Variants in ZFR2 observed in about 807,000 individuals in gnomAD.
The protein encoded by ZFR2 is zinc finger RNA binding protein 2.
ZFR2 carries 104 observed loss-of-function variants against 105.7 expected under a neutral mutation model. That is an observed-to-expected ratio of 0.98 (90% CI 0.84 to 1.16). ZFR2 has a LOEUF of 1.16. Ranked by LOEUF, ZFR2 falls within the 50% of genes most tolerant of loss-of-function variation. ZFR2 has a pLI of 0.00. For synonymous variants in ZFR2, 634 were observed against 597.7 expected, an observed-to-expected ratio of 1.06 and a Z score of -0.89; for missense variants, 1,425 against 1,355.5, an observed-to-expected ratio of 1.05 and a Z score of -0.80.
At chr19:3,807,341 C>T in intron 17 of ZFR2, 72 bp from the exon 18 acceptor site, 1 of 1,200,384 alleles carries the variant, frequency 8.3e-7, no homozygotes. Flanking sequence ...AGGGCCGTCC[C>T]TCGACACCGT....
chr19:3,820,079 C>A (rs1329635196), intron 11 of ZFR2, 103 bp downstream of exon 11: 12 of 1,133,238 alleles, frequency 1.1e-5, no homozygotes, highest in Middle Eastern at 2.2e-4. Flanking sequence ...CCCCTGAGTA[C>A]TATGTGGGAG....
chr19:3,816,560 C>G, intron 13 of ZFR2, 114 bp downstream of exon 13: 2 of 1,427,398 alleles, frequency 1.4e-6, no homozygotes, highest in Non-Finnish European at 1.8e-6. Context: ...GCTTCTTGTA[C>G]CTTAAAGTTG....
intron 1 of ZFR2, among the ~76,000 whole-genome samples, chr19:3,850,449 G>A (rs12609182): frequency 0.16 from 24,814 of 151,746 alleles, 2,885 homozygotes; most frequent in African/African-American, 0.34. Flanking sequence ...CCTGAATTAC[G>A]TCCCCCTGCC....
At chr19:3,820,045 G>A in intron 11 of ZFR2, 137 bp downstream of exon 11, 1 of 800,634 alleles carries the variant, frequency 1.2e-6, no homozygotes. Flanking sequence ...GTGGAGTGAG[G>A]AGGCCTGGGC....
rs543322132 is a variant in ZFR2 at position 3,833,304 on chromosome 19, T to C, written c.379+360A>G. On this transcript the variant is annotated intron_variant, in intron 3 of 18. Transcript: ENST00000262961. ...AAAGATGTAACTTTCAGGCCGGGCA[T>C]GGTGGCTCACGCCTGTAATCGCAGC... Among the ~76,000 whole-genome samples the C allele has an allele frequency of 7.3e-4, 106 of 144,256 alleles. 1 individual carries two copies. Among genetic ancestry groups the C allele is most frequent in the African/African-American group, 1.7e-3 (66 of 38,884 alleles). 94.6% of individuals were successfully genotyped at this position (144,256 alleles called of 152,430 possible).
intron 1 of ZFR2, among the ~76,000 whole-genome samples, chr19:3,865,232 T>C (rs2038415966): frequency 6.6e-6 from 1 of 152,184 alleles, no homozygotes; most frequent in Non-Finnish European, 1.5e-5. Flanking sequence ...TTCTTATGCC[T>C]TCAAGAGTGA....
chr19:3,818,952 T>C, intron 12 of ZFR2, 93 bp downstream of exon 12: 1 of 1,460,178 alleles, frequency 6.8e-7, no homozygotes, highest in Non-Finnish European at 9.1e-7. Context: ...TCCAGGCCCA[T>C]CAGAGCTAGG....
At position 3,822,062 on chromosome 19, in the gene ZFR2, C is replaced by CT; in HGVS notation, c.1491+18dup. 6.3e-7 allele frequency: 1 copy of CT among 1,581,028 alleles called. No individual in the cohort carries two copies. Among genetic ancestry groups the CT allele is most frequent in the Non-Finnish European group, 8.6e-7 (1 of 1,165,298 alleles). On this transcript the variant is annotated intron_variant, in intron 9 of 18. Transcript: ENST00000262961. ...AGCACAGCCCGGACGGGTGTCGGAG[C>CT]TCCCCCTGCTGGACGCACCCGGTAC...
intron 6 of ZFR2, among the ~76,000 whole-genome samples, chr19:3,826,460 GAGCCTT>G: frequency 6.6e-6 from 1 of 151,328 alleles, no homozygotes; most frequent in South Asian, 2.1e-4. Flanking sequence ...TTTGGCGACA[GAGCCTT>G]GCTCTGTCGC....
chr19:3,818,640 C>T (rs899951865), intron 12 of ZFR2, among the ~76,000 whole-genome samples: 5 of 152,184 alleles, frequency 3.3e-5, no homozygotes, highest in African/African-American at 7.2e-5. Context: ...CTGATTCACA[C>T]GGGCACTCAG....
chr19:3,818,196 G>T (rs529433003), intron 12 of ZFR2, among the ~76,000 whole-genome samples: 98 of 152,350 alleles, frequency 6.4e-4, no homozygotes, highest in African/African-American at 2.3e-3. Context: ...ATTCAAAGAG[G>T]AAAGTGAACC....
chr19:3,810,677 G>T (rs1425585797), intron 16 of ZFR2, 73 bp downstream of exon 16: 2 of 1,398,122 alleles, frequency 1.4e-6, no homozygotes, highest in Non-Finnish European at 1.9e-6. Flanking sequence ...CTGTCTCTCA[G>T]CCTGGGCCTG....
At chr19:3,808,581 C>T (rs985692419) in intron 17 of ZFR2, among the ~76,000 whole-genome samples, 2 of 152,210 alleles carry the variant, frequency 1.3e-5, no homozygotes, top group Admixed American at 6.5e-5. Flanking sequence ...GGCTCTGTGC[C>T]GCCGCCGGTG....
chr19:3,822,082 C>G lies in ZFR2; in HGVS notation c.1490G>C (p.Arg497Pro), dbSNP rs780295865. 6.3e-7 allele frequency: 1 copy of G among 1,599,684 alleles called. No individual in the cohort carries two copies. The highest frequency in any genetic ancestry group is 1.7e-5 in the Admixed American group (1 of 58,248). ...CGGAGCTCCCCCTGCTGGACGCACC[C>G]GGTACTGCAGCCGGTGCCGCCGCCC... is the stretch of plus-strand genomic sequence containing the variant. ...VRGRRHRLQY[R>P]KKVNPDLPIA... The change falls in exon 9 of 19, where the codon CGG becomes CCG. Residue 497 changes from arginine to proline, a missense_variant and splice_region_variant. Coordinates refer to ENST00000262961, the MANE Select transcript of ZFR2 (RefSeq NM_015174.2).
chr19:3,851,055 G>A (rs115013131), intron 1 of ZFR2, among the ~76,000 whole-genome samples: 1,700 of 152,096 alleles, frequency 0.011, 35 homozygotes, highest in African/African-American at 0.039. Context: ...TCACACTTCT[G>A]GCCTCCAGAA....
intron 6 of ZFR2, 75 bp downstream of exon 6, chr19:3,827,396 C>G: frequency 7.0e-7 from 1 of 1,430,236 alleles, no homozygotes; most frequent in Non-Finnish European, 9.1e-7. Flanking sequence ...TCCCCAGGTA[C>G]CTCTGTGGGT....
chr19:3,818,918 A>T, intron 12 of ZFR2, 127 bp downstream of exon 12: 1 of 1,226,548 alleles, frequency 8.2e-7, no homozygotes, highest in Non-Finnish European at 1.1e-6. Context: ...TGGGGCTGGA[A>T]AGCTGCCGCG....
chr19:3,841,774 C>T (rs900771865), intron 1 of ZFR2, among the ~76,000 whole-genome samples: 1 of 151,882 alleles, frequency 6.6e-6, no homozygotes, highest in African/African-American at 2.4e-5. Flanking sequence ...CAGCGTACTC[C>T]AGCCTGGGCC....
At chr19:3,822,335 T>G in intron 8 of ZFR2, 135 bp from the exon 9 acceptor site, 3 of 1,382,404 alleles carry the variant, frequency 2.2e-6, no homozygotes, top group Non-Finnish European at 2.9e-6. Flanking sequence ...AGAGACAGCG[T>G]CTTGCTGTGT....
Sources: gnomAD v4.1 joint callset for allele counts (sites outside exome capture counted in the v4.1 genomes callset) on GRCh38, gnomAD v4.1.1 for gene constraint, MANE v1.5 for transcripts, NCBI Gene and HGNC (gene_info 2026-07-23, HGNC 2026-07-21) for gene names.